Variants in RAPGEF4 observed in about 807,000 individuals in gnomAD.
RAPGEF4 encodes the protein RAP guanine-nucleotide-exchange factor (GEF) 4.
A neutral mutation model predicts 147.9 loss-of-function variants in RAPGEF4; 66 were observed. The observed-to-expected ratio is 0.45, with a 90% confidence interval of 0.37 to 0.55. The LOEUF is 0.55. Ranked by LOEUF, RAPGEF4 falls within the 20% of genes least tolerant of loss-of-function variation. The probability of loss-of-function intolerance (pLI) is 0.00; values close to 1 mark genes in which losing one functional copy is unlikely to be tolerated. For missense variants in RAPGEF4, 1,071 were observed against 1,257.3 expected (o/e 0.85, Z 2.24); for synonymous variants, 419 against 442.7 (o/e 0.95, Z 0.67).
chr2:173,034,097 G>GCAGCACTAAAAGGGA, intron 27 of RAPGEF4, 133 bp downstream of exon 27: 1 of 781,564 alleles, frequency 1.3e-6, no homozygotes, highest in Non-Finnish European at 2.0e-6. Context: ...ATCCCTTTTA[G>GCAGCACTAAAAGGGA]TGCTGCTAAA....
At chr2:173,044,068 G>A (rs952673759) in intron 29 of RAPGEF4, among the ~76,000 whole-genome samples, 2 of 152,194 alleles carry the variant, frequency 1.3e-5, no homozygotes, top group Non-Finnish European at 2.9e-5. Flanking sequence ...TGTAGACCGA[G>A]CAGCGCTGTC....
At chr2:173,016,308 T>G in intron 18 of RAPGEF4, 41 bp from the exon 19 acceptor site, 2 of 1,386,700 alleles carry the variant, frequency 1.4e-6, no homozygotes, top group African/African-American at 2.8e-5. Flanking sequence ...ATGTGCCTTT[T>G]GCAGTTCTTG....
intron 10 of RAPGEF4, among the ~76,000 whole-genome samples, chr2:172,968,111 C>A (rs980676356): frequency 6.6e-6 from 1 of 152,184 alleles, no homozygotes; most frequent in East Asian, 1.9e-4. Flanking sequence ...TGATGCAGGG[C>A]ACTCCACAAA....
At chr2:172,855,446 T>C (rs1328098512) in intron 4 of RAPGEF4, among the ~76,000 whole-genome samples, 1 of 152,204 alleles carries the variant, frequency 6.6e-6, no homozygotes, top group East Asian at 1.9e-4. Flanking sequence ...ATACAAGTAA[T>C]ATTTTTAAGT....
chr2:172,870,069 G>A (rs1011725911), intron 4 of RAPGEF4, among the ~76,000 whole-genome samples: 3 of 152,048 alleles, frequency 2.0e-5, no homozygotes, highest in South Asian at 2.1e-4. Flanking sequence ...CCTCATTCCC[G>A]AGTCCCGCTG....
At chr2:172,961,886 G>A (rs1223805367) in intron 8 of RAPGEF4, among the ~76,000 whole-genome samples, 3 of 152,168 alleles carry the variant, frequency 2.0e-5, no homozygotes, top group African/African-American at 7.2e-5. Context: ...TACAGAGCTT[G>A]TTTTCTAATG....
chr2:172,735,909 G>A lies in RAPGEF4; in HGVS notation c.-75G>A. 7.8e-7 allele frequency: 1 copy of A among 1,283,426 alleles called. No homozygotes were observed. Among genetic ancestry groups the A allele is most frequent in the Non-Finnish European group, 1.0e-6 (1 of 993,034 alleles). 79.5% of individuals were successfully genotyped at this position (1,283,426 alleles called of 1,614,324 possible). A position where few individuals can be genotyped will look rare whatever the true frequency, so the allele number is the denominator to read the frequency against. ...GGAGCGGGGTCCGCGCGGCGGACGA[G>A]GCGGGGGCGGAGGCGCAGGCAGAGC... On this transcript the variant is annotated 5_prime_UTR_variant, in exon 1 of 31. Coordinates refer to ENST00000397081, the MANE Select transcript of RAPGEF4 (RefSeq NM_007023.4).
intron 4 of RAPGEF4, among the ~76,000 whole-genome samples, chr2:172,824,618 T>C (rs1410705647): frequency 6.6e-6 from 1 of 152,220 alleles, no homozygotes; most frequent in Non-Finnish European, 1.5e-5. Flanking sequence ...GGCTGTATGA[T>C]TTAGAGGTTG....
chr2:172,817,602 T>C (rs991649147), intron 4 of RAPGEF4, among the ~76,000 whole-genome samples: 4 of 152,064 alleles, frequency 2.6e-5, no homozygotes, highest in African/African-American at 9.7e-5. Context: ...GAATCATCAC[T>C]GAACAGTAAG....
chr2:173,045,355 G>C (rs1685330505), intron 29 of RAPGEF4, among the ~76,000 whole-genome samples: 3 of 152,320 alleles, frequency 2.0e-5, no homozygotes, highest in Admixed American at 2.0e-4. Flanking sequence ...ATCAAGGAAA[G>C]AAGAAAGATC....
At chr2:173,027,628 T>G (rs994329999) in intron 25 of RAPGEF4, among the ~76,000 whole-genome samples, 7 of 152,194 alleles carry the variant, frequency 4.6e-5, no homozygotes, top group Non-Finnish European at 8.8e-5. Flanking sequence ...GCATGACACA[T>G]TCTCACCAGT....
At chr2:172,961,419 C>T (rs1689281337) in intron 8 of RAPGEF4, among the ~76,000 whole-genome samples, 191 bp downstream of exon 8, 1 of 152,192 alleles carries the variant, frequency 6.6e-6, no homozygotes, top group African/African-American at 2.4e-5. Flanking sequence ...ATTCCTAGCA[C>T]CTCCTAAACT....
At chr2:173,049,572 TG>T (rs1685945213) in intron 30 of RAPGEF4, among the ~76,000 whole-genome samples, 1 of 152,240 alleles carries the variant, frequency 6.6e-6, no homozygotes, top group South Asian at 2.1e-4. Flanking sequence ...TAGTCAGAGT[TG>T]TTTGTTCTTC....
intron 4 of RAPGEF4, among the ~76,000 whole-genome samples, chr2:172,883,100 T>TA (rs111984096): frequency 0.027 from 4,005 of 148,640 alleles, 106 homozygotes; most frequent in East Asian, 0.11. Context: ...TAATATGTGT[T>TA]AAAAAAAAAA....
chr2:172,821,737 TAAAAAAAA>T (rs35414922), intron 4 of RAPGEF4: 1,501 of 819,680 alleles, frequency 1.8e-3, no homozygotes, highest in East Asian at 5.5e-3. Context: ...TAACTAAAGT[TAAAAAAAA>T]AAAAAAAAAA....
Position 173,033,946 on chromosome 2 carries a change from G to T in RAPGEF4, c.2682G>T (p.Ala894=). ...KLPSKFKKFY[A]EFESLMDPSR... is the part of the protein sequence containing the mutation. ...CAAGCAAGTTCAAGAAGTTCTATGC[G>T]GAGTTTGAAAGTTTAATGGTAAGTG... Residue 894 remains alanine (A), a synonymous_variant, in exon 27 of 31, where the codon GCG becomes GCT. Transcript: ENST00000397081. 6.2e-7 allele frequency: 1 copy of T among 1,612,492 alleles called. No individual in the cohort carries two copies. The highest frequency in any genetic ancestry group is 2.2e-5 in the East Asian group (1 of 44,828).
intron 22 of RAPGEF4, among the ~76,000 whole-genome samples, chr2:173,019,232 C>A (rs1695804843): frequency 6.6e-6 from 1 of 152,190 alleles, no homozygotes; most frequent in Non-Finnish European, 1.5e-5. Context: ...TCTCCTTACT[C>A]AGTAGAGAGG....
intron 4 of RAPGEF4, among the ~76,000 whole-genome samples, chr2:172,841,917 C>T (rs1691655905): frequency 6.6e-6 from 1 of 152,082 alleles, no homozygotes; most frequent in Non-Finnish European, 1.5e-5. Context: ...TTTCCTACAA[C>T]TACCTTATCT....
Position 172,764,285 on chromosome 2 carries a change from A to G in RAPGEF4, c.65+28237A>G, listed in dbSNP as rs1330689137. ...AAAAAAGAAAGAAAGTAGTACTGTC[A>G]TTTCATGATTCAAGTCTTTCTTGTT... On this transcript the variant is annotated intron_variant, in intron 1 of 30. Coordinates refer to ENST00000397081, the MANE Select transcript of RAPGEF4 (RefSeq NM_007023.4). 2.0e-5 allele frequency among the ~76,000 whole-genome samples: 3 copies of G among 151,990 alleles called. No individual in the cohort carries two copies. The East Asian group carries it at 5.8e-4, about 29-fold the overall frequency.
Sources: allele counts gnomAD v4.1 joint callset (sites outside exome capture counted in the v4.1 genomes callset), GRCh38; gene constraint gnomAD v4.1.1; transcripts MANE v1.5; gene names NCBI Gene and HGNC (gene_info 2026-07-23, HGNC 2026-07-21).